The following NTNG1 variants were observed in gnomAD, a reference collection of about 807,000 sequenced individuals.
The protein encoded by NTNG1 is netrin G1.
A neutral mutation model predicts 54.0 loss-of-function variants in NTNG1; 16 were observed. That is an observed-to-expected ratio of 0.30 (90% CI 0.20 to 0.45). NTNG1 has a LOEUF of 0.45. Among genes scored for constraint, NTNG1 ranks in the 20% least tolerant of loss-of-function variants. The pLI is 1.00. For missense variants in NTNG1, 530 were observed against 678.7 expected (o/e 0.78, Z 2.43); for synonymous variants, 255 against 263.1 (o/e 0.97, Z 0.30).
intron 5 of NTNG1, among the ~76,000 whole-genome samples, chr1:107,412,176 A>C (rs1354699904): frequency 6.8e-6 from 1 of 146,084 alleles, no homozygotes; most frequent in Non-Finnish European, 1.5e-5. Flanking sequence ...TTCGTAGCTT[A>C]AGCAAAAACT....
intron 2 of NTNG1, among the ~76,000 whole-genome samples, chr1:107,180,664 A>T (rs915939209): frequency 6.6e-6 from 1 of 152,168 alleles, no homozygotes; most frequent in East Asian, 1.9e-4. Flanking sequence ...TTCTGAATAT[A>T]TTGCCTTTAT....
At chr1:107,182,740 A>G (rs2101139613) in intron 2 of NTNG1, among the ~76,000 whole-genome samples, 1 of 152,242 alleles carries the variant, frequency 6.6e-6, no homozygotes, top group South Asian at 2.1e-4. Context: ...CCACTGATGC[A>G]TTCACAAAGG....
At chr1:107,452,742 C>G (rs1415891826) in intron 7 of NTNG1, among the ~76,000 whole-genome samples, 1 of 152,152 alleles carries the variant, frequency 6.6e-6, no homozygotes, top group Non-Finnish European at 1.5e-5. Context: ...TACAATGAAG[C>G]AGGAATACCT....
At chr1:107,417,698 C>T (rs190487272) in intron 5 of NTNG1, among the ~76,000 whole-genome samples, 3 of 152,046 alleles carry the variant, frequency 2.0e-5, no homozygotes, top group Admixed American at 6.6e-5. Context: ...AAGGACAACA[C>T]AAGAGATGTG....
intron 3 of NTNG1, among the ~76,000 whole-genome samples, chr1:107,345,793 T>G (rs1669184890): frequency 1.3e-5 from 2 of 152,174 alleles, no homozygotes; most frequent in African/African-American, 4.8e-5. Context: ...ACTTTCTGAT[T>G]GGAAAGATTT....
chr1:107,287,263 T>A (rs371885816), intron 2 of NTNG1, among the ~76,000 whole-genome samples: 20 of 150,502 alleles, frequency 1.3e-4, no homozygotes, highest in African/African-American at 4.9e-4. Context: ...TCTCAACCAA[T>A]AAAAAAAAAG....
intron 5 of NTNG1, chr1:107,408,083 T>C (rs896215758): frequency 1.6e-5 from 5 of 318,120 alleles, no homozygotes; most frequent in Non-Finnish European, 3.0e-5. Flanking sequence ...TTTGGATGTC[T>C]GACATAATTT....
At chr1:107,202,645 A>T (rs1449667066) in intron 2 of NTNG1, among the ~76,000 whole-genome samples, 1 of 151,784 alleles carries the variant, frequency 6.6e-6, no homozygotes, top group African/African-American at 2.4e-5. Flanking sequence ...ATTGGTTACA[A>T]TTATTTTTGT....
chr1:107,215,465 T>C (rs1659888493), intron 2 of NTNG1, among the ~76,000 whole-genome samples: 1 of 152,192 alleles, frequency 6.6e-6, no homozygotes, highest in African/African-American at 2.4e-5. Flanking sequence ...TATTTTTGGG[T>C]TCTCTATTCT....
chr1:107,453,830 AC>A (rs1430612208), intron 7 of NTNG1, among the ~76,000 whole-genome samples: 5 of 152,120 alleles, frequency 3.3e-5, no homozygotes, highest in Admixed American at 2.0e-4. Flanking sequence ...TCTTCCAATA[AC>A]CCTGCAAAGG....
At chr1:107,438,599 CTT>C (rs916374218) in intron 7 of NTNG1, among the ~76,000 whole-genome samples, 2 of 152,028 alleles carry the variant, frequency 1.3e-5, no homozygotes, top group African/African-American at 4.8e-5. Flanking sequence ...AATAAGGAGA[CTT>C]TGTAATTAAG....
Position 107,348,102 on chromosome 1 carries a change from TTTTG to T in NTNG1, c.887+23185_887+23188del. On this transcript the variant is annotated intron_variant, in intron 3 of 7. Coordinates refer to ENST00000370068, the MANE Select transcript of NTNG1 (RefSeq NM_001113226.3). ...GGTACCCAGTTTTTTTGTTTGCTTT[TTTTG>T]TTTGCTTTTATTATTATTATTATTA... Among the ~76,000 whole-genome samples the T allele has an allele frequency of 2.9e-5, 3 of 102,406 alleles. No homozygotes were observed. In the Middle Eastern group the frequency reaches 0.014, roughly 470 times the overall value. The allele number at this position is 102,406 out of a possible 152,430, so 67.2% of individuals were successfully genotyped here.
At chr1:107,478,812 A>G (rs1161190276) in intron 7 of NTNG1, among the ~76,000 whole-genome samples, 1 of 152,258 alleles carries the variant, frequency 6.6e-6, no homozygotes, top group Non-Finnish European at 1.5e-5. Flanking sequence ...CTGAAAACCT[A>G]CATATGCTTT....
In NTNG1 at chr1:107,351,005, G is replaced by A. The variant is rs116138278; in HGVS notation, c.887+26083G>A. ...CTTAAATGTTCTCCCCACACACACA[G>A]AGGTAACTATGTGAGGTTATGGTTG... is the stretch of plus-strand genomic sequence containing the variant. On this transcript the variant is annotated intron_variant, in intron 3 of 7. Transcript: ENST00000370068. Among the ~76,000 whole-genome samples the A allele has an allele frequency of 3.8e-3, 576 of 152,316 alleles. 6 individuals are homozygous for A. Among genetic ancestry groups the A allele is most frequent in the African/African-American group, 0.013 (535 of 41,574 alleles).
At chr1:107,463,483 T>G (rs1464841342) in intron 7 of NTNG1, among the ~76,000 whole-genome samples, 2 of 152,286 alleles carry the variant, frequency 1.3e-5, no homozygotes, top group Middle Eastern at 3.4e-3. Context: ...ATCTTATTAG[T>G]TATGTAATGC....
chr1:107,149,708 G>A (rs1324263124), intron 2 of NTNG1, among the ~76,000 whole-genome samples: 3 of 151,890 alleles, frequency 2.0e-5, no homozygotes, highest in African/African-American at 7.3e-5. Flanking sequence ...AAAGAGGCTG[G>A]TGATTAAAAT....
intron 2 of NTNG1, among the ~76,000 whole-genome samples, chr1:107,183,173 C>A (rs1243602831): frequency 6.6e-6 from 1 of 152,154 alleles, no homozygotes; most frequent in Non-Finnish European, 1.5e-5. Flanking sequence ...ATGGGGCACC[C>A]CCTACCTTAA....
At chr1:107,270,172 CTT>C (rs1351507158) in intron 2 of NTNG1, among the ~76,000 whole-genome samples, 2 of 152,188 alleles carry the variant, frequency 1.3e-5, no homozygotes, top group Non-Finnish European at 2.9e-5. Flanking sequence ...AGAAAACAAA[CTT>C]AATGTGCTGT....
intron 3 of NTNG1, among the ~76,000 whole-genome samples, chr1:107,385,593 GAA>G (rs555117372): frequency 1.5e-5 from 2 of 136,096 alleles, no homozygotes; most frequent in South Asian, 2.3e-4. Context: ...CTGTTGTGAG[GAA>G]AAAAAAAAAA....
Sources: gnomAD v4.1 joint callset for allele counts (sites outside exome capture counted in the v4.1 genomes callset) on GRCh38, gnomAD v4.1.1 for gene constraint, MANE v1.5 for transcripts, NCBI Gene and HGNC (gene_info 2026-07-23, HGNC 2026-07-21) for gene names.